DLG2: variants seen among roughly 807,000 people sequenced by gnomAD.
The protein encoded by DLG2 is disks large homolog 2.
DLG2 carries 45 observed loss-of-function variants against 132.5 expected under a neutral mutation model. The observed-to-expected ratio is 0.34, with a 90% confidence interval of 0.27 to 0.44. DLG2 has a LOEUF of 0.44. DLG2 is among the 20% of genes least tolerant of loss of function. The probability of loss-of-function intolerance (pLI) is 1.00; values close to 1 mark genes in which losing one functional copy is unlikely to be tolerated. For missense variants in DLG2, 1,045 were observed against 1,196.9 expected (o/e 0.87, Z 1.87); for synonymous variants, 424 against 419.6 (o/e 1.01, Z -0.13).
intron 5 of DLG2, among the ~76,000 whole-genome samples, chr11:85,117,278 T>G (rs1433209123): frequency 6.6e-6 from 1 of 152,010 alleles, no homozygotes; most frequent in African/African-American, 2.4e-5. Flanking sequence ...AGGGAAAAAC[T>G]CAAGCCAGAC....
chr11:84,769,067 T>C (rs2068855340), intron 6 of DLG2, among the ~76,000 whole-genome samples: 2 of 152,162 alleles, frequency 1.3e-5, no homozygotes, highest in Non-Finnish European at 2.9e-5. Context: ...GCAAATTTTC[T>C]GACACTATGA....
At chr11:84,921,137 A>T (rs901157399) in intron 6 of DLG2, among the ~76,000 whole-genome samples, 10 of 152,290 alleles carry the variant, frequency 6.6e-5, no homozygotes, top group African/African-American at 2.2e-4. Flanking sequence ...ATATTAGATG[A>T]AACTTTATTG....
chr11:84,131,509 T>C (rs1326677777), intron 9 of DLG2, among the ~76,000 whole-genome samples: 1 of 151,918 alleles, frequency 6.6e-6, no homozygotes, highest in Non-Finnish European at 1.5e-5. Flanking sequence ...CCCTATAGAA[T>C]TTCATTCATT....
Position 84,127,249 on chromosome 11 carries a change from A to C in DLG2, c.625-28202T>G, listed in dbSNP as rs551122038. ...GCTTTCAGAGGAAACCCAAATGGTG[A>C]AATTTGTTGTTTAGGACTAGGATTG... is the stretch of plus-strand genomic sequence containing the variant. On this transcript the variant is annotated intron_variant, in intron 9 of 27. Coordinates refer to ENST00000376104, the MANE Select transcript of DLG2 (RefSeq NM_001142699.3). Among the ~76,000 whole-genome samples the C allele has an allele frequency of 3.9e-5, 6 of 152,298 alleles. 1 individual carries two copies. The South Asian group carries it at 8.3e-4, about 21-fold the overall frequency.
chr11:84,485,632 C>T (rs959592272), intron 7 of DLG2, among the ~76,000 whole-genome samples: 5 of 152,114 alleles, frequency 3.3e-5, no homozygotes, highest in East Asian at 1.9e-4. Flanking sequence ...CTGTGTTTTT[C>T]GGTGCCATCT....
chr11:83,760,593 T>A (rs984624096), intron 18 of DLG2, among the ~76,000 whole-genome samples: 7 of 152,066 alleles, frequency 4.6e-5, no homozygotes, highest in African/African-American at 1.7e-4. Flanking sequence ...TGACCTCAGG[T>A]GATCCACCTG....
At chr11:83,461,760 A>G in intron 27 of DLG2, 1 of 465,770 alleles carries the variant, frequency 2.1e-6, no homozygotes. Flanking sequence ...TCTCCTGCCC[A>G]TGGTTTTGGG....
rs140084368 is a variant in DLG2, at chr11:84,225,122, T to C, written c.573+26116A>G. 2.8e-4 allele frequency among the ~76,000 whole-genome samples: 43 copies of C among 152,362 alleles called. No homozygotes were observed. The East Asian group carries it at 3.7e-3, about 13-fold the overall frequency. Reference sequence around the variant, plus strand: ...CAAATCTAAGGCCTTCTTGAAGCCATAGTCTCTATCTCATTCCTCTTTGTT... The same window carrying C: ...CAAATCTAAGGCCTTCTTGAAGCCACAGTCTCTATCTCATTCCTCTTTGTT... On this transcript the variant is annotated intron_variant, in intron 8 of 27. Coordinates refer to ENST00000376104, the MANE Select transcript of DLG2 (RefSeq NM_001142699.3).
chr11:84,878,619 T>C (rs2086794677), intron 6 of DLG2, among the ~76,000 whole-genome samples: 1 of 152,044 alleles, frequency 6.6e-6, no homozygotes, highest in South Asian at 2.1e-4. Context: ...AATGGGTGGA[T>C]GGGTGCAGCA....
Position 83,633,272 on chromosome 11 carries a change from G to C in DLG2, c.1879C>G (p.His627Asp), listed in dbSNP as rs1435018140. Residue 627 changes from histidine to aspartate, a missense_variant, in exon 19 of 28, where the codon CAC (histidine) becomes GAC (aspartate). His to Asp is a moderately conservative substitution (Grantham distance 81, BLOSUM62 -1). This residue lies in a region of DLG2 where 398 missense variants were observed against 543.6 expected (regional missense o/e 0.73). Coordinates refer to ENST00000376104, the MANE Select transcript of DLG2 (RefSeq NM_001142699.3). Reference sequence around the variant, plus strand: ...GATCCGGACCCGGAGCTCATGCTGTGGTTCATCATCTGCTCTCGTAGGTCA... The same window carrying C: ...GATCCGGACCCGGAGCTCATGCTGTCGTTCATCATCTGCTCTCGTAGGTCA... ...IHDLREQMMN[H>D]SMSSGSGSLR... 6.2e-7 allele frequency: 1 copy of C among 1,613,574 alleles called. No individual in the cohort carries two copies. The highest frequency in any genetic ancestry group is 1.3e-5 in the African/African-American group (1 of 74,892).
At chr11:84,097,131 T>A (rs554128783) in intron 10 of DLG2, among the ~76,000 whole-genome samples, 2 of 152,294 alleles carry the variant, frequency 1.3e-5, no homozygotes, top group South Asian at 4.1e-4. Flanking sequence ...CACGCTAAAG[T>A]CATTCTTACC....
At chr11:84,349,088 T>C (rs2098551308) in intron 7 of DLG2, among the ~76,000 whole-genome samples, 1 of 152,222 alleles carries the variant, frequency 6.6e-6, no homozygotes, top group African/African-American at 2.4e-5. Context: ...GGAAAAGTTT[T>C]TCAATTAGAT....
At chr11:84,394,351 T>C (rs638741) in intron 7 of DLG2, among the ~76,000 whole-genome samples, 22 of 151,512 alleles carry the variant, frequency 1.5e-4, no homozygotes, top group Non-Finnish European at 2.5e-4. Context: ...TTTTTTTTTT[T>C]CCCTGAAAAT....
chr11:83,597,786 AAAACAAACAAACAAAC>A (rs56172449), intron 19 of DLG2, among the ~76,000 whole-genome samples: 2 of 150,820 alleles, frequency 1.3e-5, no homozygotes, highest in Admixed American at 6.6e-5. Flanking sequence ...TCCCTGTCTC[AAAACAAACAAACAAAC>A]AAACAAACAA....
intron 6 of DLG2, among the ~76,000 whole-genome samples, chr11:84,904,258 T>C (rs1322113350): frequency 1.3e-5 from 2 of 152,214 alleles, no homozygotes. Context: ...TTCTACCTAC[T>C]GTGTAATGAT....
chr11:85,435,551 T>C (rs2091433679), intron 3 of DLG2, among the ~76,000 whole-genome samples: 1 of 151,974 alleles, frequency 6.6e-6, no homozygotes, highest in African/African-American at 2.4e-5. Context: ...ATGAATGAAC[T>C]CCCATTCACA....
At chr11:84,608,127 T>G (rs796927031) in intron 6 of DLG2, among the ~76,000 whole-genome samples, 3 of 152,284 alleles carry the variant, frequency 2.0e-5, no homozygotes, top group African/African-American at 7.2e-5. Context: ...GACTTTTGAC[T>G]TTAAAGGCAG....
At chr11:84,547,784 T>C (rs1176441203) in intron 6 of DLG2, among the ~76,000 whole-genome samples, 2 of 152,112 alleles carry the variant, frequency 1.3e-5, no homozygotes, top group African/African-American at 4.8e-5. Flanking sequence ...AATTCATTAT[T>C]GTACCAGGGG....
At chr11:85,460,634 G>C (rs980193273) in intron 3 of DLG2, among the ~76,000 whole-genome samples, 1 of 152,120 alleles carries the variant, frequency 6.6e-6, no homozygotes, top group Non-Finnish European at 1.5e-5. Flanking sequence ...CTGTGAGAGA[G>C]GTGCACACTA....
Sources: gnomAD v4.1 joint callset for allele counts (sites outside exome capture counted in the v4.1 genomes callset) on GRCh38, gnomAD v4.1.1 for gene constraint, gnomAD v4.1.1 regional missense constraint, MANE v1.5 for transcripts, NCBI Gene and HGNC (gene_info 2026-07-23, HGNC 2026-07-21) for gene names.